The following ROCK1 variants were observed in gnomAD, a reference collection of about 807,000 sequenced individuals.
ROCK1 encodes the protein Rho associated coiled-coil containing protein kinase 1.
In ROCK1, 36 loss-of-function variants were observed where a neutral mutation model predicts 196.8. The ratio of observed to expected loss-of-function variants is 0.18; its 90% CI spans 0.14 to 0.24. ROCK1 has a LOEUF of 0.24. ROCK1 is among the 10% of genes least tolerant of loss of function. The pLI is 1.00. For missense variants in ROCK1, 920 were observed against 1,562.0 expected (o/e 0.59, Z 6.93); for synonymous variants, 443 against 515.9 (o/e 0.86, Z 1.91).
chr18:21,039,605 A>T, intron 8 of ROCK1, 42 bp from the exon 9 acceptor site: 1 of 1,373,458 alleles, frequency 7.3e-7, no homozygotes, highest in Non-Finnish European at 1.0e-6. Flanking sequence ...ATCATTTAAG[A>T]TCTTATTATA....
At chr18:21,029,280 G>T (rs2035986582) in intron 9 of ROCK1, among the ~76,000 whole-genome samples, 1 of 152,108 alleles carries the variant, frequency 6.6e-6, no homozygotes, top group African/African-American at 2.4e-5. Flanking sequence ...AGACTTTTTA[G>T]AAACTAAAGC....
intron 2 of ROCK1, among the ~76,000 whole-genome samples, chr18:21,052,259 C>G (rs2036210021): frequency 6.6e-6 from 1 of 152,310 alleles, no homozygotes. Context: ...TATGGTTCTA[C>G]TTTTCCTAGT....
intron 9 of ROCK1, among the ~76,000 whole-genome samples, chr18:21,038,795 C>A (rs2036080107): frequency 1.3e-5 from 2 of 152,158 alleles, no homozygotes; most frequent in African/African-American, 2.4e-5. Flanking sequence ...AAGATGAATT[C>A]TTTACCTCCC....
intron 22 of ROCK1, among the ~76,000 whole-genome samples, chr18:20,971,345 T>C (rs10529376): frequency 0.12 from 18,223 of 147,200 alleles, 1,752 homozygotes; most frequent in African/African-American, 0.25. Flanking sequence ...CACACACACA[T>C]ACACACAGAA....
chr18:21,105,819 T>C (rs2036698183), intron 1 of ROCK1, among the ~76,000 whole-genome samples: 1 of 152,190 alleles, frequency 6.6e-6, no homozygotes, highest in Non-Finnish European at 1.5e-5. Context: ...GGGTATCATG[T>C]ACATAGAGAT....
rs1358557180 is a variant in ROCK1 at position 20,950,110 on chromosome 18, T to C, written c.*1274A>G. 1 of 152,668 alleles carries C rather than the reference T, an allele frequency of 6.6e-6. No homozygotes were observed. Among genetic ancestry groups the C allele is most frequent in the African/African-American group, 2.4e-5 (1 of 41,450 alleles). 9.5% of individuals were successfully genotyped at this position (152,668 alleles called of 1,614,324 possible). On this transcript the variant is annotated 3_prime_UTR_variant, in exon 33 of 33. Transcript: ENST00000399799. ...GGTTAAAAAAATAAACAATAAATCA[T>C]ACTGTCCATATGAATCAACTCTTGT...
At chr18:21,043,793 T>C (rs1455778959) in intron 6 of ROCK1, among the ~76,000 whole-genome samples, 3 of 151,912 alleles carry the variant, frequency 2.0e-5, no homozygotes, top group African/African-American at 2.4e-5. Context: ...CATAAGTATT[T>C]AGTGACATTT....
In ROCK1 at chr18:20,966,956, T is replaced by C; in HGVS notation, c.3313A>G (p.Ser1105Gly). The change falls in exon 27 of 33, where the codon AGT (serine) becomes GGT (glycine). Residue 1105 changes from serine to glycine, a missense_variant. This residue lies in a region of ROCK1 where 116 missense variants were observed against 204.2 expected (regional missense o/e 0.57). Transcript: ENST00000399799. ...LDLSDSTSVA[S>G]FPSADETDGN... ...TCAGTTTCATCAGCACTAGGAAAAC[T>C]AGCAACACTTGTAGAATCCGAGAGG... The C allele has an allele frequency of 6.2e-7, 1 of 1,613,672 alleles. No homozygotes were observed. Among genetic ancestry groups the C allele is most frequent in the Non-Finnish European group, 8.5e-7 (1 of 1,179,652 alleles).
At chr18:20,968,190 A>G (rs142603081) in intron 25 of ROCK1, among the ~76,000 whole-genome samples, 7 of 152,304 alleles carry the variant, frequency 4.6e-5, no homozygotes, top group Non-Finnish European at 1.0e-4. Context: ...AGAGTATGCT[A>G]ATCCTACTCT....
intron 13 of ROCK1, 50 bp downstream of exon 13, chr18:21,015,381 A>C: frequency 8.2e-7 from 1 of 1,217,068 alleles, no homozygotes; most frequent in Non-Finnish European, 1.2e-6. Context: ...AAACAATTTG[A>C]AAGAGGGAAA....
chr18:21,070,451 G>T (rs1159532358), intron 2 of ROCK1, 81 bp downstream of exon 2: 2 of 701,532 alleles, frequency 2.9e-6, no homozygotes, highest in Non-Finnish European at 4.6e-6. Flanking sequence ...GTAAATAGAA[G>T]AAAAAATAAG....
chr18:21,057,430 C>T (rs1485900950), intron 2 of ROCK1, among the ~76,000 whole-genome samples: 1 of 152,214 alleles, frequency 6.6e-6, no homozygotes, highest in Non-Finnish European at 1.5e-5. Context: ...GGCTAACTTA[C>T]AGCTTCTGGG....
At chr18:21,079,411 G>A (rs2036463751) in intron 1 of ROCK1, among the ~76,000 whole-genome samples, 1 of 152,168 alleles carries the variant, frequency 6.6e-6, no homozygotes, top group African/African-American at 2.4e-5. Flanking sequence ...TCAAACACCT[G>A]AGTTAAATTT....
chr18:21,102,700 CA>C (rs199859057), intron 1 of ROCK1, among the ~76,000 whole-genome samples: 1 of 151,236 alleles, frequency 6.6e-6, no homozygotes, highest in African/African-American at 2.4e-5. Flanking sequence ...CCATCTCTAC[CA>C]AAAAAAATAC....
chr18:21,007,639 G>C (rs1261714370), intron 14 of ROCK1, among the ~76,000 whole-genome samples: 1 of 152,120 alleles, frequency 6.6e-6, no homozygotes, highest in Non-Finnish European at 1.5e-5. Context: ...TGTAACACAA[G>C]CATTAAAACA....
intron 18 of ROCK1, among the ~76,000 whole-genome samples, chr18:20,990,400 G>A (rs1480318894): frequency 1.3e-5 from 2 of 150,916 alleles, no homozygotes; most frequent in African/African-American, 4.9e-5. Flanking sequence ...ACTAGAAGGT[G>A]AAATTGTGAT....
At chr18:21,024,117 CAT>C (rs1286835875) in intron 10 of ROCK1, among the ~76,000 whole-genome samples, 5 of 152,170 alleles carry the variant, frequency 3.3e-5, no homozygotes, top group Non-Finnish European at 5.9e-5. Context: ...CTTCTGCAGA[CAT>C]ATGCATAACC....
chr18:21,099,315 T>C (rs2036637992), intron 1 of ROCK1, among the ~76,000 whole-genome samples: 1 of 152,164 alleles, frequency 6.6e-6, no homozygotes, highest in Admixed American at 6.5e-5. Context: ...TATGGATACA[T>C]ATTTGCTTAT....
chr18:20,966,853 A>C, intron 27 of ROCK1, 64 bp downstream of exon 27: 1 of 1,316,734 alleles, frequency 7.6e-7, no homozygotes. Flanking sequence ...AAACCAAATG[A>C]AAGAAATATA....
Sources: allele counts gnomAD v4.1 joint callset (sites outside exome capture counted in the v4.1 genomes callset), GRCh38; gene constraint gnomAD v4.1.1; regional missense constraint gnomAD v4.1.1; transcripts MANE v1.5; gene names NCBI Gene and HGNC (gene_info 2026-07-23, HGNC 2026-07-21).